Variants in IL1R1 observed in about 807,000 individuals in gnomAD.
The protein encoded by IL1R1 is interleukin 1 receptor type 1.
In IL1R1, 22 loss-of-function variants were observed where a neutral mutation model predicts 50.2. The observed-to-expected ratio is 0.44, with a 90% confidence interval of 0.31 to 0.63. IL1R1 has a LOEUF of 0.63. IL1R1 is among the 20% of genes least tolerant of loss of function. The pLI, the probability that IL1R1 is intolerant of heterozygous loss-of-function variation, is 0.07. For missense variants in IL1R1, 509 were observed against 676.2 expected (o/e 0.75, Z 2.74); for synonymous variants, 251 against 236.7 (o/e 1.06, Z -0.55).
At chr2:102,166,358 A>T (rs1388144854) in intron 6 of IL1R1, 77 bp downstream of exon 6, 2 of 1,140,768 alleles carry the variant, frequency 1.8e-6, no homozygotes, top group Non-Finnish European at 1.2e-6. Context: ...TACTTTCATT[A>T]TCCATGAAGA....
intron 1 of IL1R1, among the ~76,000 whole-genome samples, chr2:102,082,219 TTAAATTAAAGGATAAATA>T (rs1487178173): frequency 6.6e-6 from 1 of 152,112 alleles, no homozygotes; most frequent in Non-Finnish European, 1.5e-5. Flanking sequence ...TTAATTTAGA[TTAAATTAAAGGATAAATA>T]TAAATTAAAG....
chr2:102,087,046 T>G (rs891279707), intron 1 of IL1R1, among the ~76,000 whole-genome samples: 1 of 152,248 alleles, frequency 6.6e-6, no homozygotes, highest in African/African-American at 2.4e-5. Flanking sequence ...TTTCTTTTTT[T>G]TTTGGTTACC....
At chr2:102,107,297 G>C (rs1245899587) in intron 1 of IL1R1, among the ~76,000 whole-genome samples, 1 of 152,132 alleles carries the variant, frequency 6.6e-6, no homozygotes, top group Non-Finnish European at 1.5e-5. Flanking sequence ...ATACACCATG[G>C]AATACTATGC....
chr2:102,113,303 T>C (rs1000727687), intron 1 of IL1R1, among the ~76,000 whole-genome samples: 2 of 152,280 alleles, frequency 1.3e-5, no homozygotes, highest in Non-Finnish European at 2.9e-5. Context: ...ATTTGCCTTC[T>C]TTTATCCTTT....
rs1382870070 is a variant in IL1R1, at chr2:102,172,756, T to C, written c.909T>C (p.Ser303=). The part of the protein sequence containing the change: ...ITVLNISEIE[S]RFYKHPFTCF... Reference sequence around the variant, plus strand: ...TGCTTAATATATCGGAAATTGAAAGTAGATTTTATAAACATCCATTTACCT... The same window carrying C: ...TGCTTAATATATCGGAAATTGAAAGCAGATTTTATAAACATCCATTTACCT... Residue 303 remains serine (S), a synonymous_variant, in exon 9 of 12, where the codon AGT becomes AGC. Transcript: ENST00000410023. The C allele has an allele frequency of 6.2e-7, 1 of 1,612,134 alleles. No individual in the cohort carries two copies. Among genetic ancestry groups the C allele is most frequent in the Non-Finnish European group, 8.5e-7 (1 of 1,178,366 alleles).
chr2:102,075,204 A>G (rs1678907582), intron 1 of IL1R1, among the ~76,000 whole-genome samples: 1 of 152,210 alleles, frequency 6.6e-6, no homozygotes, highest in Admixed American at 6.5e-5. Context: ...CCTCCCAGAC[A>G]CTGTACCTTC....
chr2:102,076,013 CCCTT>C (rs1678940974), intron 1 of IL1R1, among the ~76,000 whole-genome samples: 1 of 152,192 alleles, frequency 6.6e-6, no homozygotes, highest in African/African-American at 2.4e-5. Context: ...TTTCATTTCT[CCCTT>C]CCTGGTCTTT....
At chr2:102,098,829 TTA>T (rs1193871828) in intron 1 of IL1R1, among the ~76,000 whole-genome samples, 1 of 152,230 alleles carries the variant, frequency 6.6e-6, no homozygotes, top group Non-Finnish European at 1.5e-5. Flanking sequence ...AAAAGTATTT[TTA>T]AAATTTGTAC....
intron 1 of IL1R1, among the ~76,000 whole-genome samples, chr2:102,119,346 T>C (rs765115467): frequency 6.6e-6 from 1 of 152,244 alleles, no homozygotes; most frequent in Admixed American, 6.5e-5. Context: ...GAAACCAAAT[T>C]GTTCTTCCTT....
intron 1 of IL1R1, among the ~76,000 whole-genome samples, chr2:102,135,009 A>AT (rs1473822748): frequency 1.3e-4 from 20 of 152,348 alleles, no homozygotes; most frequent in African/African-American, 4.8e-4. Flanking sequence ...CACACAGCTA[A>AT]TATGTCAAAG....
At chr2:102,086,533 C>G (rs917224476) in intron 1 of IL1R1, among the ~76,000 whole-genome samples, 4 of 144,244 alleles carry the variant, frequency 2.8e-5, no homozygotes, top group Non-Finnish European at 4.6e-5. Flanking sequence ...ACGCCTTTCT[C>G]CCCCTCTTTT....
chr2:102,160,882 C>T (rs1018130182), intron 3 of IL1R1, among the ~76,000 whole-genome samples: 6 of 152,242 alleles, frequency 3.9e-5, no homozygotes, highest in East Asian at 3.9e-4. Flanking sequence ...CCCTTCTGTC[C>T]GAACCACTAA....
chr2:102,171,009 C>T (rs3917303), intron 7 of IL1R1, among the ~76,000 whole-genome samples: 16 of 152,078 alleles, frequency 1.1e-4, no homozygotes, highest in Non-Finnish European at 1.6e-4. Flanking sequence ...TACAGTGAGC[C>T]GAGATTGTGC....
At chr2:102,076,263 C>T (rs13388616) in intron 1 of IL1R1, among the ~76,000 whole-genome samples, 31,276 of 149,946 alleles carry the variant, frequency 0.21, 3,683 homozygotes, top group East Asian at 0.53. Flanking sequence ...CTGCAAGCTC[C>T]GCCTCCCAGG....
At chr2:102,175,303 T>G (rs1164624749) in intron 10 of IL1R1, among the ~76,000 whole-genome samples, 175 bp from the exon 11 acceptor site, 1 of 152,100 alleles carries the variant, frequency 6.6e-6, no homozygotes, top group Non-Finnish European at 1.5e-5. Flanking sequence ...AATAGAAACC[T>G]TGTAAGAGAT....
In IL1R1 at chr2:102,177,464, G is replaced by A. The variant is rs200439975; in HGVS notation, c.*705G>A. 93 of 154,692 alleles carry A rather than the reference G, an allele frequency of 6.0e-4. No homozygotes were observed. The Middle Eastern group carries it at 0.017, about 28-fold the overall frequency. The allele number at this position is 154,692 out of a possible 1,614,324, so 9.6% of individuals were successfully genotyped here. A position where few individuals can be genotyped will look rare whatever the true frequency, so the allele number is the denominator to read the frequency against. On this transcript the variant is annotated 3_prime_UTR_variant, in exon 12 of 12. Coordinates refer to ENST00000410023, the MANE Select transcript of IL1R1 (RefSeq NM_000877.4). ...ACTGACCCTGGAGCGGCTCTCCTGA[G>A]AGGTGCTGCAGGCAAAGTGAGACTG...
intron 1 of IL1R1, among the ~76,000 whole-genome samples, chr2:102,084,464 T>C (rs914696379): frequency 2.0e-5 from 3 of 152,206 alleles, no homozygotes; most frequent in African/African-American, 4.8e-5. Context: ...AAAGATGATA[T>C]GATTTTATCG....
At chr2:102,122,534 C>T (rs548684422) in intron 1 of IL1R1, among the ~76,000 whole-genome samples, 1 of 152,266 alleles carries the variant, frequency 6.6e-6, no homozygotes, top group South Asian at 2.1e-4. Flanking sequence ...GAGTGAGGGG[C>T]GCTCAGTTAT....
upstream of IL1R1, chr2:102,142,232 T>A (rs1398011701): frequency 1.3e-5 from 2 of 152,144 alleles, no homozygotes; most frequent in Admixed American, 6.5e-5. Flanking sequence ...AACCACTCCA[T>A]GAGATGAGTG....
Sources: allele counts gnomAD v4.1 joint callset (sites outside exome capture counted in the v4.1 genomes callset), GRCh38; gene constraint gnomAD v4.1.1; transcripts MANE v1.5; gene names NCBI Gene and HGNC (gene_info 2026-07-23, HGNC 2026-07-21).